NTM: variants seen among roughly 807,000 people sequenced by gnomAD.
NTM encodes neurotrimin, also known as IgLON family member 2.
Under a neutral mutation model 42.1 loss-of-function variants are expected in NTM, and 13 were observed. The observed-to-expected ratio is 0.31, with a 90% CI of 0.20 to 0.49. The LOEUF is 0.49. Among genes scored for constraint, NTM ranks in the 20% least tolerant of loss-of-function variants. NTM has a pLI of 0.99. For missense variants in NTM, 373 were observed against 452.8 expected (o/e 0.82, Z 1.60); for synonymous variants, 187 against 179.2 (o/e 1.04, Z -0.35).
Position 132,146,392 on chromosome 11 carries a change from A to G in NTM, c.278A>G (p.Asn93Ser). 1 of 1,614,168 alleles carries G rather than the reference A, an allele frequency of 6.2e-7. No individual in the cohort carries two copies. The highest frequency in any genetic ancestry group is 1.1e-5 in the South Asian group (1 of 91,078). The change falls in exon 3 of 9, where the codon AAC becomes AGC. Residue 93 changes from asparagine to serine, a missense_variant. Transcript: ENST00000683400. This position sits in a 1 kb window ranked among gnomAD's most constrained non-coding sequence, Gnocchi z 4.5. ...CLDPRVVLLS[N>S]TQTQYSIEIQ... ...GATCCTCGCGTGGTCCTTCTGAGCAACACCCAAACGCAGTACAGCATCGAG... is the reference window on the plus strand; with the variant it reads ...GATCCTCGCGTGGTCCTTCTGAGCAGCACCCAAACGCAGTACAGCATCGAG...
intron 1 of NTM, among the ~76,000 whole-genome samples, chr11:131,664,917 C>T (rs2068759727): frequency 6.6e-6 from 1 of 152,152 alleles, no homozygotes; most frequent in Admixed American, 6.5e-5. Flanking sequence ...TCACTTGGCA[C>T]ATCCTCGTGT....
At chr11:131,555,127 A>C (rs1260704830) in intron 1 of NTM, among the ~76,000 whole-genome samples, 1 of 152,138 alleles carries the variant, frequency 6.6e-6, no homozygotes, top group Admixed American at 6.6e-5. Context: ...GTGCCACTGC[A>C]CTCCAGGCTG....
At chr11:132,099,779 G>A (rs1256908633) in intron 2 of NTM, among the ~76,000 whole-genome samples, 1 of 152,146 alleles carries the variant, frequency 6.6e-6, no homozygotes, top group African/African-American at 2.4e-5. Context: ...TACCCTTTGA[G>A]GAGAAGGTCA....
chr11:132,055,566 G>A (rs1259505763), intron 2 of NTM, among the ~76,000 whole-genome samples: 5 of 152,132 alleles, frequency 3.3e-5, no homozygotes, highest in African/African-American at 1.2e-4. Flanking sequence ...GGAGGAGACA[G>A]TAAACGTGCA....
At position 131,710,309 on chromosome 11, in the gene NTM, T is replaced by C. The variant is rs559434531; in HGVS notation, c.83-201255T>C. Reference sequence around the variant, plus strand: ...AAAACTACTTAATGACATGGAAAAATACCCATGATATCTTGTTGTATGCAG... The same window carrying C: ...AAAACTACTTAATGACATGGAAAAACACCCATGATATCTTGTTGTATGCAG... On this transcript the variant is annotated intron_variant, in intron 1 of 8. Coordinates refer to ENST00000683400, the MANE Select transcript of NTM (RefSeq NM_001352005.2). Among the ~76,000 whole-genome samples the C allele has an allele frequency of 4.1e-4, 62 of 152,300 alleles. No individual in the cohort carries two copies. The Middle Eastern group carries it at 0.014, about 33-fold the overall frequency.
chr11:132,107,707 G>A lies in NTM; in HGVS notation c.168-38575G>A, dbSNP rs2062592281. On this transcript the variant is annotated intron_variant, in intron 2 of 8. Coordinates refer to ENST00000683400, the MANE Select transcript of NTM (RefSeq NM_001352005.2). Reference sequence around the variant, plus strand: ...GAATGAGTTAACGGCAGCTTACTGTGCAGCAATGTATCATGGGAACAATCT... The same window carrying A: ...GAATGAGTTAACGGCAGCTTACTGTACAGCAATGTATCATGGGAACAATCT... 2.0e-5 allele frequency among the ~76,000 whole-genome samples: 3 copies of A among 151,946 alleles called. No individual in the cohort carries two copies. The South Asian group carries it at 6.2e-4, about 32-fold the overall frequency.
intron 2 of NTM, among the ~76,000 whole-genome samples, chr11:132,120,463 A>T (rs1390361201): frequency 6.6e-6 from 1 of 152,192 alleles, no homozygotes; most frequent in Non-Finnish European, 1.5e-5. Flanking sequence ...AATGGCTTTT[A>T]TTTCCTCCTC....
At chr11:131,648,776 G>A (rs768596962) in intron 1 of NTM, among the ~76,000 whole-genome samples, 11 of 152,100 alleles carry the variant, frequency 7.2e-5, no homozygotes, top group Admixed American at 2.0e-4. Flanking sequence ...GTAAACTATC[G>A]TCACACTCTT....
intron 1 of NTM, among the ~76,000 whole-genome samples, chr11:131,895,109 C>G (rs962080856): frequency 1.3e-5 from 2 of 152,200 alleles, no homozygotes; most frequent in Non-Finnish European, 2.9e-5. Context: ...ACCTGCAGCT[C>G]TATTCGGTGA....
chr11:132,256,879 A>C (rs1249908411), intron 4 of NTM, among the ~76,000 whole-genome samples: 2 of 152,112 alleles, frequency 1.3e-5, no homozygotes, highest in African/African-American at 4.8e-5. Context: ...CACAGACAGG[A>C]TGTGTGTGTT....
intron 1 of NTM, among the ~76,000 whole-genome samples, chr11:131,685,671 C>G (rs147892088): frequency 0.012 from 1,883 of 152,274 alleles, 28 homozygotes; most frequent in Admixed American, 0.017. Context: ...AGCACACTCT[C>G]TCCTTACCTT....
At chr11:131,467,869 C>T (rs539240923) in intron 1 of NTM, among the ~76,000 whole-genome samples, 4 of 152,306 alleles carry the variant, frequency 2.6e-5, no homozygotes, top group African/African-American at 9.6e-5. Flanking sequence ...GCTGTTCCCC[C>T]AGCCACTTAA....
intron 3 of NTM, among the ~76,000 whole-genome samples, chr11:132,192,738 C>T (rs1483455650): frequency 1.3e-5 from 2 of 152,124 alleles, no homozygotes; most frequent in Admixed American, 6.5e-5. Context: ...ACCCAACAGT[C>T]TGCTGCCGTT....
intron 1 of NTM, among the ~76,000 whole-genome samples, chr11:131,673,202 C>A (rs2070734110): frequency 6.6e-6 from 1 of 152,072 alleles, no homozygotes; most frequent in African/African-American, 2.4e-5. Context: ...GAAGGTGACC[C>A]CAGAACCCTT....
chr11:132,278,445 G>GT (rs1223640482), intron 4 of NTM, among the ~76,000 whole-genome samples: 1 of 152,108 alleles, frequency 6.6e-6, no homozygotes, highest in Non-Finnish European at 1.5e-5. Context: ...ACACCTACAC[G>GT]TGGCCTCTCC....
intron 1 of NTM, among the ~76,000 whole-genome samples, chr11:131,381,313 GAGT>G (rs1942649804): frequency 3.9e-5 from 6 of 152,180 alleles, no homozygotes; most frequent in Admixed American, 6.5e-5. Context: ...CTGTCCACTA[GAGT>G]ACTTGACTTT....
At chr11:131,789,911 G>T (rs566605321) in intron 1 of NTM, among the ~76,000 whole-genome samples, 2 of 136,410 alleles carry the variant, frequency 1.5e-5, no homozygotes, top group African/African-American at 2.8e-5. Flanking sequence ...AGCCGAGATC[G>T]CGCCACTGCA....
At chr11:132,022,335 A>G (rs977400720) in intron 2 of NTM, among the ~76,000 whole-genome samples, 1 of 152,212 alleles carries the variant, frequency 6.6e-6, no homozygotes, top group Non-Finnish European at 1.5e-5. Flanking sequence ...TGGACAGAAT[A>G]TTTGACAGTC....
chr11:131,513,922 C>A (rs2048569669), intron 1 of NTM, among the ~76,000 whole-genome samples: 1 of 152,244 alleles, frequency 6.6e-6, no homozygotes, highest in East Asian at 1.9e-4. Flanking sequence ...GCAAATGTCC[C>A]TTCCCAGCAG....
Sources: gnomAD v4.1 joint callset for allele counts (sites outside exome capture counted in the v4.1 genomes callset) on GRCh38, gnomAD v4.1.1 for gene constraint, Gnocchi (gnomAD v3.1) non-coding constraint, MANE v1.5 for transcripts, NCBI Gene and HGNC (gene_info 2026-07-23, HGNC 2026-07-21) for gene names.